CAMTA1: variants seen among roughly 807,000 people sequenced by gnomAD.
CAMTA1 encodes the protein calmodulin-binding transcription activator 1.
Under a neutral mutation model 170.9 loss-of-function variants are expected in CAMTA1, and 27 were observed. That is an observed-to-expected ratio of 0.16 (90% CI 0.12 to 0.22). The LOEUF (loss-of-function observed/expected upper bound fraction) is 0.22. CAMTA1 is among the 10% of genes least tolerant of loss of function. The pLI is 1.00. For missense variants in CAMTA1, 1,619 were observed against 2,217.2 expected, an observed-to-expected ratio of 0.73 and a Z score of 5.42; for synonymous variants, 833 against 891.5, an observed-to-expected ratio of 0.93 and a Z score of 1.17.
chr1:7,703,273 G>A (rs1037221582), intron 11 of CAMTA1, among the ~76,000 whole-genome samples: 2 of 152,138 alleles, frequency 1.3e-5, no homozygotes, highest in African/African-American at 2.4e-5. Context: ...AGGTGGTGGG[G>A]GGAGCGTGCA....
chr1:6,969,912 C>T, intron 3 of CAMTA1, among the ~76,000 whole-genome samples: 1 of 152,278 alleles, frequency 6.6e-6, no homozygotes, highest in Admixed American at 6.5e-5. Context: ...GTATCACAGC[C>T]AGGACCCAGA....
intron 1 of CAMTA1, among the ~76,000 whole-genome samples, chr1:6,786,190 C>T (rs1639269430): frequency 6.6e-6 from 1 of 151,978 alleles, no homozygotes; most frequent in African/African-American, 2.4e-5. Flanking sequence ...CTTCTCCCCG[C>T]CAGGGGGACC....
At chr1:7,156,426 G>A (rs1488529311) in intron 4 of CAMTA1, among the ~76,000 whole-genome samples, 1 of 152,136 alleles carries the variant, frequency 6.6e-6, no homozygotes, top group African/African-American at 2.4e-5. Flanking sequence ...AGAGACAGGC[G>A]ACCAGCTGGC....
chr1:6,787,220 C>A (rs1639668779), intron 1 of CAMTA1, among the ~76,000 whole-genome samples: 1 of 152,184 alleles, frequency 6.6e-6, no homozygotes, highest in Non-Finnish European at 1.5e-5. Flanking sequence ...AAGGAGAAGC[C>A]ATATGCCTTT....
At chr1:7,375,069 A>C (rs1484540855) in intron 5 of CAMTA1, among the ~76,000 whole-genome samples, 2 of 152,168 alleles carry the variant, frequency 1.3e-5, no homozygotes, top group African/African-American at 2.4e-5. Context: ...TCAGACCCAG[A>C]GATGAAACAC....
rs538137029 is a variant in CAMTA1, at chr1:7,472,655, C to T, written c.510+4754C>T. The stretch of plus-strand genomic sequence containing the variant: ...GCCAGAAAGTGGGACAGCTGCTGGG[C>T]CCTCAGCCTGGATGCTGTCTGCTTG... On this transcript the variant is annotated intron_variant, in intron 6 of 22. Transcript: ENST00000303635. 3.9e-5 allele frequency among the ~76,000 whole-genome samples: 6 copies of T among 152,280 alleles called. No homozygotes were observed. The South Asian group carries it at 1.2e-3, about 32-fold the overall frequency.
chr1:7,310,087 A>C (rs1676228113), intron 5 of CAMTA1, among the ~76,000 whole-genome samples: 1 of 152,146 alleles, frequency 6.6e-6, no homozygotes, highest in Non-Finnish European at 1.5e-5. Flanking sequence ...AATTTCTTAG[A>C]GCAATTCTAG....
intron 5 of CAMTA1, among the ~76,000 whole-genome samples, chr1:7,454,301 C>G (rs529304711): frequency 7.9e-5 from 12 of 152,258 alleles, no homozygotes; most frequent in African/African-American, 2.4e-4. Context: ...CTGCTGTAAT[C>G]AAGAGATGGG....
At chr1:7,448,450 C>G (rs1319804975) in intron 5 of CAMTA1, among the ~76,000 whole-genome samples, 2 of 152,208 alleles carry the variant, frequency 1.3e-5, no homozygotes, top group Non-Finnish European at 2.9e-5. Context: ...GGCCGAGGCT[C>G]TCTGTGCTGT....
chr1:7,020,394 C>CAT (rs1432159568), intron 3 of CAMTA1, among the ~76,000 whole-genome samples: 1 of 152,216 alleles, frequency 6.6e-6, no homozygotes, highest in Non-Finnish European at 1.5e-5. Flanking sequence ...GCCCAGGAGC[C>CAT]ATAGGCTGGA....
chr1:7,715,275 C>T (rs3011936), intron 11 of CAMTA1, among the ~76,000 whole-genome samples: 119,053 of 151,896 alleles, frequency 0.78, 47,345 homozygotes, highest in East Asian at 0.99. Flanking sequence ...GAGAGAGGAT[C>T]CTCAGAAACA....
chr1:7,197,154 C>T (rs1312892825), intron 4 of CAMTA1, among the ~76,000 whole-genome samples: 1 of 152,218 alleles, frequency 6.6e-6, no homozygotes, highest in Admixed American at 6.5e-5. Flanking sequence ...TCCTTGCACT[C>T]TGGAAGTGTA....
chr1:6,832,572 A>G (rs528353043), intron 3 of CAMTA1, among the ~76,000 whole-genome samples: 5 of 152,250 alleles, frequency 3.3e-5, no homozygotes, highest in Admixed American at 3.3e-4. Context: ...TGGGGGGATC[A>G]TTTAAGACTC....
chr1:6,876,978 C>T (rs1202755190), intron 3 of CAMTA1, among the ~76,000 whole-genome samples: 1 of 152,066 alleles, frequency 6.6e-6, no homozygotes, highest in East Asian at 1.9e-4. Flanking sequence ...TGGGTTGGAC[C>T]CTTCATTTTT....
rs1355243441 is a variant in CAMTA1, at chr1:6,970,372, T to C, written c.235-120932T>C. Among the ~76,000 whole-genome samples the C allele has an allele frequency of 6.6e-6, 1 of 151,850 alleles. No individual in the cohort carries two copies. The highest frequency in any genetic ancestry group is 1.5e-5 in the Non-Finnish European group (1 of 67,984). On this transcript the variant is annotated intron_variant, in intron 3 of 22. Transcript: ENST00000303635. This position sits in a 1 kb window ranked among gnomAD's most constrained non-coding sequence, Gnocchi z 4.4. ...CTCCATATGTATTGGAGCCGTGGAG[T>C]GCTCACAGACAGCATTCCAGGAGGC...
chr1:7,605,166 C>T (rs894576918), intron 6 of CAMTA1, among the ~76,000 whole-genome samples: 2 of 152,200 alleles, frequency 1.3e-5, no homozygotes, highest in Admixed American at 1.3e-4. Context: ...GTCCATTCTC[C>T]GATCTCCAGC....
At chr1:6,830,422 C>T (rs879701186) in intron 3 of CAMTA1, among the ~76,000 whole-genome samples, 3 of 150,894 alleles carry the variant, frequency 2.0e-5, no homozygotes, top group Non-Finnish European at 2.9e-5. Flanking sequence ...CAGCTCACTG[C>T]AACCTCCACC....
rs368448689 is a variant in CAMTA1 at position 7,581,266 on chromosome 1, A to G, written c.511-59134A>G. On this transcript the variant is annotated intron_variant, in intron 6 of 22. Coordinates refer to ENST00000303635, the MANE Select transcript of CAMTA1 (RefSeq NM_015215.4). ...GGAACCCCAGAAACTTTTTCCTGGC[A>G]ATCATGGCTGCCTCCGAAGGGCCTG... 1.4e-4 allele frequency among the ~76,000 whole-genome samples: 22 copies of G among 152,382 alleles called. No individual in the cohort carries two copies. In the East Asian group the frequency reaches 3.3e-3, roughly 23 times the overall value.
intron 3 of CAMTA1, among the ~76,000 whole-genome samples, chr1:7,047,895 G>A (rs1459528625): frequency 1.3e-5 from 2 of 152,088 alleles, no homozygotes; most frequent in African/African-American, 2.4e-5. Flanking sequence ...GACTTGGGGT[G>A]GGTTCTGTAT....
Sources: gnomAD v4.1 joint callset for allele counts (sites outside exome capture counted in the v4.1 genomes callset) on GRCh38, gnomAD v4.1.1 for gene constraint, Gnocchi (gnomAD v3.1) non-coding constraint, MANE v1.5 for transcripts, NCBI Gene and HGNC (gene_info 2026-07-23, HGNC 2026-07-21) for gene names.